The following PTPRD variants were observed in gnomAD, a reference collection of about 807,000 sequenced individuals.
The protein encoded by PTPRD is receptor-type tyrosine-protein phosphatase delta.
PTPRD carries 34 observed loss-of-function variants against 214.5 expected under a neutral mutation model. The observed-to-expected ratio is 0.16, with a 90% confidence interval of 0.12 to 0.21. The LOEUF (loss-of-function observed/expected upper bound fraction) is 0.21. PTPRD is among the 10% of genes least tolerant of loss of function. The pLI, the probability that PTPRD is intolerant of heterozygous loss-of-function variation, is 1.00. For missense variants in PTPRD, 2,545 were observed against 2,398.7 expected (o/e 1.06, Z -1.27); for synonymous variants, 1,128 against 845.7 (o/e 1.33, Z -5.79).
intron 8 of PTPRD, among the ~76,000 whole-genome samples, chr9:9,509,001 T>C (rs2096635561): frequency 1.3e-5 from 2 of 151,570 alleles, no homozygotes; most frequent in South Asian, 4.1e-4. Context: ...CCAACTGTTA[T>C]TGCATTTACT....
At chr9:9,624,028 A>G (rs1223247406) in intron 7 of PTPRD, among the ~76,000 whole-genome samples, 1 of 152,160 alleles carries the variant, frequency 6.6e-6, no homozygotes, top group African/African-American at 2.4e-5. Context: ...GCTCATAAAA[A>G]GCACTAATGA....
chr9:9,928,789 A>ACACACACACACACACAC (rs1408596519), intron 5 of PTPRD, among the ~76,000 whole-genome samples: 1 of 93,334 alleles, frequency 1.1e-5, no homozygotes, highest in East Asian at 5.1e-4. Flanking sequence ...CACACACACA[A>ACACACACACACACACAC]TTTGCATTTT....
Position 9,289,792 on chromosome 9 carries a change from ACTT to A in PTPRD, c.-202-106432_-202-106430del, listed in dbSNP as rs1462435807. 7.2e-5 allele frequency among the ~76,000 whole-genome samples: 11 copies of A among 151,884 alleles called. No individual in the cohort carries two copies. The East Asian group carries it at 1.8e-3, about 24-fold the overall frequency. Reference sequence around the variant, plus strand: ...CATAATGTCACAAATGGCAGGATTTACTTCTTCTTAAAGGCTGAATAGCATAAC... The same window carrying A: ...CATAATGTCACAAATGGCAGGATTTACTTCTTAAAGGCTGAATAGCATAAC... On this transcript the variant is annotated intron_variant, in intron 9 of 45. Coordinates refer to ENST00000381196, the MANE Select transcript of PTPRD (RefSeq NM_002839.4).
At chr9:9,477,165 A>C (rs2095112557) in intron 8 of PTPRD, among the ~76,000 whole-genome samples, 1 of 152,250 alleles carries the variant, frequency 6.6e-6, no homozygotes, top group Admixed American at 6.5e-5. Context: ...ATTTATACCC[A>C]GGACTGTCTG....
chr9:9,224,600 T>A (rs1261781467), intron 9 of PTPRD, among the ~76,000 whole-genome samples: 1 of 151,980 alleles, frequency 6.6e-6, no homozygotes, highest in East Asian at 1.9e-4. Flanking sequence ...ATGATTAAGG[T>A]AAACGTATTA....
At chr9:10,340,135 C>T (rs755920515) in intron 3 of PTPRD, among the ~76,000 whole-genome samples, 7 of 151,810 alleles carry the variant, frequency 4.6e-5, no homozygotes, top group Non-Finnish European at 8.8e-5. Flanking sequence ...GTTAAAGTAG[C>T]CTCTGTCTTC....
intron 7 of PTPRD, among the ~76,000 whole-genome samples, chr9:9,669,482 G>T (rs1193455385): frequency 6.6e-6 from 1 of 152,136 alleles, no homozygotes; most frequent in Non-Finnish European, 1.5e-5. Flanking sequence ...GCTTTAGAAG[G>T]AATAAAGACC....
chr9:8,718,848 C>G (rs1289405613), intron 12 of PTPRD, among the ~76,000 whole-genome samples: 1 of 152,144 alleles, frequency 6.6e-6, no homozygotes. Context: ...AGTTTGCTGG[C>G]ACGATGGAGC....
chr9:9,606,956 C>A (rs2094194820), intron 7 of PTPRD, among the ~76,000 whole-genome samples: 1 of 94,816 alleles, frequency 1.1e-5, no homozygotes, highest in Admixed American at 1.9e-4. Flanking sequence ...TCTGATTACT[C>A]AGCACTGCTA....
chr9:8,701,168 A>G (rs184322762), intron 12 of PTPRD, among the ~76,000 whole-genome samples: 3 of 152,206 alleles, frequency 2.0e-5, no homozygotes, highest in Middle Eastern at 3.4e-3. Flanking sequence ...CTCAAAAAAA[A>G]GAAAGTTAAA....
In PTPRD at chr9:9,242,903, G is replaced by C. The variant is rs1247020833; in HGVS notation, c.-202-59540C>G. ...GGTGAGGAGCTGCGTTCCTTTGGAGGAGAAGAGTTGCTCTTATTTTTAGAA... is the reference window on the plus strand; with the variant it reads ...GGTGAGGAGCTGCGTTCCTTTGGAGCAGAAGAGTTGCTCTTATTTTTAGAA... On this transcript the variant is annotated intron_variant, in intron 9 of 45. Coordinates refer to ENST00000381196, the MANE Select transcript of PTPRD (RefSeq NM_002839.4). 2.6e-5 allele frequency among the ~76,000 whole-genome samples: 4 copies of C among 152,034 alleles called. No homozygotes were observed. In the South Asian group the frequency reaches 8.3e-4, roughly 32 times the overall value.
chr9:10,542,139 T>C (rs1401398103), intron 2 of PTPRD, among the ~76,000 whole-genome samples: 1 of 152,142 alleles, frequency 6.6e-6, no homozygotes, highest in Non-Finnish European at 1.5e-5. Flanking sequence ...ATAATAAATT[T>C]AATCAAAATC....
chr9:10,189,797 T>C (rs979301718), intron 3 of PTPRD, among the ~76,000 whole-genome samples: 10 of 152,110 alleles, frequency 6.6e-5, no homozygotes, highest in African/African-American at 2.4e-4. Flanking sequence ...AGAAAAATCA[T>C]ATATAAACCA....
chr9:9,281,463 G>A (rs1947664941), intron 9 of PTPRD, among the ~76,000 whole-genome samples: 1 of 151,286 alleles, frequency 6.6e-6, no homozygotes, highest in African/African-American at 2.4e-5. Context: ...TGATAAAGAA[G>A]ACATGAAGAT....
intron 3 of PTPRD, among the ~76,000 whole-genome samples, chr9:10,192,101 G>C (rs2099366220): frequency 6.6e-6 from 1 of 152,142 alleles, no homozygotes; most frequent in African/African-American, 2.4e-5. Flanking sequence ...TATCATAACT[G>C]AACCTTTTGT....
intron 21 of PTPRD, among the ~76,000 whole-genome samples, chr9:8,513,811 T>A (rs2097729559): frequency 6.6e-6 from 1 of 152,070 alleles, no homozygotes; most frequent in Non-Finnish European, 1.5e-5. Flanking sequence ...CCTTTTTAAT[T>A]AAGCCTATAG....
chr9:9,234,134 A>C (rs555837357), intron 9 of PTPRD, among the ~76,000 whole-genome samples: 5 of 152,168 alleles, frequency 3.3e-5, no homozygotes, highest in African/African-American at 1.2e-4. Flanking sequence ...AGGCATTTCC[A>C]TACATGATCT....
intron 11 of PTPRD, among the ~76,000 whole-genome samples, chr9:8,749,532 A>G (rs2093301581): frequency 6.6e-6 from 1 of 152,210 alleles, no homozygotes; most frequent in Admixed American, 6.5e-5. Flanking sequence ...GACCATAGAC[A>G]AAAATGACAT....
intron 7 of PTPRD, among the ~76,000 whole-genome samples, chr9:9,591,818 G>A (rs148456713): frequency 2.0e-5 from 3 of 152,034 alleles, no homozygotes; most frequent in Admixed American, 6.6e-5. Flanking sequence ...TGTGGTGAGG[G>A]CATTCCAAAT....
Sources: gnomAD v4.1 joint callset for allele counts (sites outside exome capture counted in the v4.1 genomes callset) on GRCh38, gnomAD v4.1.1 for gene constraint, MANE v1.5 for transcripts, NCBI Gene and HGNC (gene_info 2026-07-23, HGNC 2026-07-21) for gene names.